The following RPS6KA2 variants were observed in gnomAD, a reference collection of about 807,000 sequenced individuals.
RPS6KA2 encodes ribosomal protein S6 kinase A2.
Under a neutral mutation model 91.8 loss-of-function variants are expected in RPS6KA2, and 42 were observed. That is an observed-to-expected ratio of 0.46 (90% CI 0.36 to 0.59). The LOEUF (loss-of-function observed/expected upper bound fraction) is 0.59, where lower values mean the gene tolerates loss of function less well. Ranked by LOEUF, RPS6KA2 falls within the 20% of genes least tolerant of loss-of-function variation. The pLI is 0.00. For synonymous variants in RPS6KA2, 414 were observed against 393.6 expected (o/e 1.05, Z -0.61); for missense variants, 798 against 978.5 (o/e 0.82, Z 2.46).
intron 1 of RPS6KA2, among the ~76,000 whole-genome samples, chr6:166,618,834 C>T (rs1328088727): frequency 6.6e-6 from 1 of 152,236 alleles, no homozygotes; most frequent in African/African-American, 2.4e-5. Context: ...CTGTCATGAG[C>T]CTTGACACCG....
rs1301819669 is a variant in RPS6KA2, at chr6:166,835,849, C to G, written c.123+22351G>C. 3.9e-5 allele frequency among the ~76,000 whole-genome samples: 6 copies of G among 152,186 alleles called. No individual in the cohort carries two copies. The East Asian group carries it at 1.2e-3, about 29-fold the overall frequency. On this transcript the variant is annotated intron_variant, in intron 2 of 21. Coordinates refer to the RPS6KA2 transcript ENST00000503859. ...TCCATCTTTCACATTAGGTGTGATG[C>G]TGGCTGTCAGCTTTTTGTAGAAGCA...
chr6:166,566,540 A>C lies in RPS6KA2; in HGVS notation c.100-27756T>G, dbSNP rs527536613. Among the ~76,000 whole-genome samples the C allele has an allele frequency of 1.6e-4, 24 of 152,306 alleles. No individual in the cohort carries two copies. In the South Asian group the frequency reaches 4.8e-3, roughly 30 times the overall value. On this transcript the variant is annotated intron_variant, in intron 1 of 20. Transcript: ENST00000265678. ...AGGCTTCCAGGCAGCAGAGCTCTGC[A>C]CAGGTGCAGGGGGTGGCCCTCTCCC... is the stretch of plus-strand genomic sequence containing the variant.
At chr6:166,676,177 C>T (rs1339019595) in intron 2 of RPS6KA2, among the ~76,000 whole-genome samples, 2 of 152,190 alleles carry the variant, frequency 1.3e-5, no homozygotes, top group East Asian at 1.9e-4. Context: ...ATTAGCTGGC[C>T]GTGGTGGCAT....
intron 1 of RPS6KA2, among the ~76,000 whole-genome samples, chr6:166,588,194 T>C (rs1785242978): frequency 6.6e-6 from 1 of 152,006 alleles, no homozygotes; most frequent in Non-Finnish European, 1.5e-5. Flanking sequence ...CACTGCTCCC[T>C]GAGTGTGGTT....
intron 2 of RPS6KA2, among the ~76,000 whole-genome samples, chr6:166,811,334 G>A (rs1779635716): frequency 6.6e-6 from 1 of 152,192 alleles, no homozygotes; most frequent in Non-Finnish European, 1.5e-5. Context: ...TTTCTTGGCT[G>A]TGTTTTCAAA....
At chr6:166,830,266 T>A (rs1035458597) in intron 2 of RPS6KA2, among the ~76,000 whole-genome samples, 1 of 152,212 alleles carries the variant, frequency 6.6e-6, no homozygotes, top group East Asian at 1.9e-4. Flanking sequence ...TGCTGTGTGA[T>A]TCTGCTTACA....
chr6:166,587,639 A>AG (rs1191621490), intron 1 of RPS6KA2, among the ~76,000 whole-genome samples: 1 of 150,558 alleles, frequency 6.6e-6, no homozygotes, highest in Non-Finnish European at 1.5e-5. Flanking sequence ...ATTGGAAAAA[A>AG]AAAAGCAAAC....
chr6:166,668,619 C>T (rs112997893), intron 2 of RPS6KA2, among the ~76,000 whole-genome samples: 83 of 152,184 alleles, frequency 5.5e-4, no homozygotes, highest in African/African-American at 1.9e-3. Context: ...AGGGTGGTGT[C>T]GTGACAACCT....
At chr6:166,580,382 G>A (rs1266107346) in intron 1 of RPS6KA2, among the ~76,000 whole-genome samples, 1 of 152,236 alleles carries the variant, frequency 6.6e-6, no homozygotes, top group Non-Finnish European at 1.5e-5. Flanking sequence ...CTTCAGAGGT[G>A]TCCAGTCTTT....
At chr6:166,427,892 T>C (rs1371734754) in intron 16 of RPS6KA2, among the ~76,000 whole-genome samples, 3 of 152,146 alleles carry the variant, frequency 2.0e-5, no homozygotes, top group Non-Finnish European at 4.4e-5. Context: ...AATTTATAGA[T>C]TCAATGCCAT....
At chr6:166,534,935 G>A (rs1783432885) in intron 2 of RPS6KA2, among the ~76,000 whole-genome samples, 1 of 152,210 alleles carries the variant, frequency 6.6e-6, no homozygotes, top group South Asian at 2.1e-4. Context: ...GGTAACGAGT[G>A]TGGCAACTTG....
Position 166,783,863 on chromosome 6 carries a change from G to A in RPS6KA2, c.123+74337C>T, listed in dbSNP as rs1361422228. Among the ~76,000 whole-genome samples, 39 of 110,282 alleles carry A rather than the reference G, an allele frequency of 3.5e-4. 11 individuals carry two copies. Among genetic ancestry groups the A allele is most frequent in the African/African-American group, 1.3e-3 (33 of 25,600 alleles). The allele number at this position is 110,282 out of a possible 152,430, so 72.3% of individuals were successfully genotyped here. The stretch of plus-strand genomic sequence containing the variant: ...ACCTATCTATACCACATATGCACAC[G>A]TGCACACCTACGCATCACCACATAT... On this transcript the variant is annotated intron_variant, in intron 2 of 21. Transcript: ENST00000503859.
intron 11 of RPS6KA2, among the ~76,000 whole-genome samples, chr6:166,468,856 T>TCCGCCTC (rs567161437): frequency 0.013 from 1,427 of 111,794 alleles, 85 homozygotes; most frequent in Middle Eastern, 0.049. Context: ...AGAGCGAGAC[T>TCCGCCTC]AAAAAAAAAA....
chr6:166,700,491 C>CA (rs539107212), intron 2 of RPS6KA2, among the ~76,000 whole-genome samples: 144 of 147,116 alleles, frequency 9.8e-4, no homozygotes, highest in East Asian at 8.7e-3. Flanking sequence ...ATAAAATTTT[C>CA]AAAAAAAAAA....
intron 2 of RPS6KA2, among the ~76,000 whole-genome samples, chr6:166,734,395 G>A: frequency 6.6e-6 from 1 of 152,174 alleles, no homozygotes; most frequent in East Asian, 1.9e-4. Flanking sequence ...CCAAACGGAA[G>A]AGCAATAGGT....
At chr6:166,663,488 G>A (rs559716431) in intron 2 of RPS6KA2, among the ~76,000 whole-genome samples, 10 of 152,290 alleles carry the variant, frequency 6.6e-5, no homozygotes, top group Admixed American at 3.3e-4. Flanking sequence ...AGTTCTTCAG[G>A]GAAGATGCTA....
intron 2 of RPS6KA2, among the ~76,000 whole-genome samples, chr6:166,647,287 G>C (rs1055198997): frequency 6.6e-5 from 10 of 151,916 alleles, no homozygotes; most frequent in Non-Finnish European, 7.4e-5. Context: ...TCCACACTTT[G>C]CATCCTGTGC....
chr6:166,714,184 A>G (rs1789947980), intron 2 of RPS6KA2, among the ~76,000 whole-genome samples: 1 of 152,224 alleles, frequency 6.6e-6, no homozygotes. Context: ...GGGGATGGGA[A>G]GAGGTGCAGG....
chr6:166,779,783 G>A (rs1007724743), intron 2 of RPS6KA2, among the ~76,000 whole-genome samples: 2 of 152,130 alleles, frequency 1.3e-5, no homozygotes, highest in African/African-American at 4.8e-5. Flanking sequence ...ACTGCAGAAG[G>A]GACCCATGAA....
Sources: allele counts gnomAD v4.1 joint callset (sites outside exome capture counted in the v4.1 genomes callset), GRCh38; gene constraint gnomAD v4.1.1; transcripts MANE v1.5; gene names NCBI Gene and HGNC (gene_info 2026-07-23, HGNC 2026-07-21).